The following CLSTN1 variants were observed in gnomAD, a reference collection of about 807,000 sequenced individuals.
CLSTN1 encodes the protein calsyntenin 1.
In CLSTN1, 28 loss-of-function variants were observed where a neutral mutation model predicts 108.3. The observed-to-expected ratio is 0.26, with a 90% CI of 0.19 to 0.35. The LOEUF (loss-of-function observed/expected upper bound fraction) is 0.35, where lower values mean the gene tolerates loss of function less well. Ranked by LOEUF, CLSTN1 falls within the 10% of genes least tolerant of loss-of-function variation. The pLI is 1.00. For missense variants in CLSTN1, 1,157 were observed against 1,302.6 expected, an observed-to-expected ratio of 0.89 and a Z score of 1.72; for synonymous variants, 524 against 534.9, an observed-to-expected ratio of 0.98 and a Z score of 0.28.
rs767543468 is a variant in CLSTN1, at chr1:9,733,359, ACTG to A, written c.2427+39_2427+41del. ...GGGCTGCAAATCAGCGCCCTCACTC[ACTG>A]CTGCTATTGGCCCTGCTCAGTGGGA... is the stretch of plus-strand genomic sequence containing the variant. On this transcript the variant is annotated intron_variant, in intron 16 of 18. Coordinates refer to ENST00000377298, the MANE Select transcript of CLSTN1 (RefSeq NM_001009566.3). 2.5e-6 allele frequency: 4 copies of A among 1,609,814 alleles called. No homozygotes were observed. In the African/African-American group the frequency reaches 4.0e-5, roughly 16 times the overall value.
intron 1 of CLSTN1, among the ~76,000 whole-genome samples, chr1:9,820,204 AAT>A (rs1655139640): frequency 6.6e-6 from 1 of 152,064 alleles, no homozygotes; most frequent in Non-Finnish European, 1.5e-5. Flanking sequence ...CCCACTAATG[AAT>A]TCCCATATCG....
intron 1 of CLSTN1, among the ~76,000 whole-genome samples, chr1:9,815,176 T>C (rs1284396609): frequency 6.6e-6 from 1 of 152,178 alleles, no homozygotes; most frequent in Non-Finnish European, 1.5e-5. Context: ...TAGGCTTGGA[T>C]GCCTGCAAAA....
At chr1:9,781,065 A>G (rs1420939821) in intron 1 of CLSTN1, 2 of 648,986 alleles carry the variant, frequency 3.1e-6, no homozygotes, top group Non-Finnish European at 5.5e-6. Flanking sequence ...AACCTGTACT[A>G]ATCACACATT....
intron 1 of CLSTN1, among the ~76,000 whole-genome samples, chr1:9,799,267 T>C (rs1322045160): frequency 6.6e-6 from 1 of 152,130 alleles, no homozygotes; most frequent in East Asian, 1.9e-4. Flanking sequence ...GAAACCTCCA[T>C]GGGAACCGGT....
At chr1:9,813,561 C>T (rs1264837800) in intron 1 of CLSTN1, among the ~76,000 whole-genome samples, 1 of 151,896 alleles carries the variant, frequency 6.6e-6, no homozygotes, top group Non-Finnish European at 1.5e-5. Context: ...AACAAGGGGC[C>T]CCACAGTTTG....
chr1:9,738,971 C>A (rs112614659), intron 10 of CLSTN1, among the ~76,000 whole-genome samples: 6 of 152,148 alleles, frequency 3.9e-5, no homozygotes, highest in African/African-American at 1.2e-4. Context: ...AAATTTCTAA[C>A]CTTACTCAAG....
At chr1:9,742,557 C>T (rs1570441684) in intron 9 of CLSTN1, among the ~76,000 whole-genome samples, 1 of 152,144 alleles carries the variant, frequency 6.6e-6, no homozygotes. Context: ...GCTACTATAA[C>T]AGAACTGTAG....
At chr1:9,732,837 G>A (rs759039969) in intron 16 of CLSTN1, among the ~76,000 whole-genome samples, 5 of 152,168 alleles carry the variant, frequency 3.3e-5, no homozygotes, top group Non-Finnish European at 5.9e-5. Context: ...TTCACAGGAG[G>A]GCCAGTGACC....
At chr1:9,803,219 C>G (rs1654360709) in intron 1 of CLSTN1, among the ~76,000 whole-genome samples, 1 of 152,114 alleles carries the variant, frequency 6.6e-6, no homozygotes. Context: ...GCAAAGGATT[C>G]TATCATAAAA....
chr1:9,765,834 G>A (rs945654385), intron 2 of CLSTN1, among the ~76,000 whole-genome samples: 6 of 151,948 alleles, frequency 3.9e-5, no homozygotes, highest in African/African-American at 1.5e-4. Context: ...CCAAGATCGC[G>A]CCACTGCACT....
intron 5 of CLSTN1, 48 bp downstream of exon 5, chr1:9,751,425 T>C (rs1162126225): frequency 1.3e-6 from 2 of 1,582,336 alleles, no homozygotes; most frequent in Admixed American, 3.3e-5. Context: ...TCAGTGGGGT[T>C]AGCAGGGACT....
chr1:9,773,597 T>C (rs978045618), intron 1 of CLSTN1, among the ~76,000 whole-genome samples: 3 of 152,124 alleles, frequency 2.0e-5, no homozygotes, highest in African/African-American at 7.2e-5. Context: ...ATGTTGAAAT[T>C]ATCTGAATCC....
At position 9,786,924 on chromosome 1, in the gene CLSTN1, C is replaced by T. The variant is rs1047742613; in HGVS notation, c.92-13530G>A. Among the ~76,000 whole-genome samples, 10 of 151,460 alleles carry T rather than the reference C, an allele frequency of 6.6e-5. No homozygotes were observed. In the South Asian group the frequency reaches 8.7e-4, roughly 13 times the overall value. ...AGGAGGAACCCCTATGTCCTTCTCC[C>T]TGGTGCACATCCCACCCTGAACACT... On this transcript the variant is annotated intron_variant, in intron 1 of 18. Coordinates refer to ENST00000377298, the MANE Select transcript of CLSTN1 (RefSeq NM_001009566.3).
intron 7 of CLSTN1, among the ~76,000 whole-genome samples, chr1:9,748,152 CT>C: frequency 6.6e-6 from 1 of 152,202 alleles, no homozygotes; most frequent in South Asian, 2.1e-4. Flanking sequence ...TTCACAAAAG[CT>C]TTTTGAAACA....
intron 1 of CLSTN1, among the ~76,000 whole-genome samples, chr1:9,804,847 G>A (rs533686200): frequency 6.8e-4 from 103 of 151,568 alleles, no homozygotes; most frequent in African/African-American, 2.3e-3. Context: ...AAGAAAGGCC[G>A]GGCACAGTGG....
chr1:9,756,396 TC>T, intron 3 of CLSTN1, 84 bp downstream of exon 3: 2 of 1,047,252 alleles, frequency 1.9e-6, no homozygotes, highest in South Asian at 1.3e-5. Context: ...TGACAGTTTC[TC>T]CTGTTTAAGG....
Position 9,762,444 on chromosome 1 carries a change from G to A in CLSTN1, c.215-5934C>T, listed in dbSNP as rs556001886. 2.0e-5 allele frequency among the ~76,000 whole-genome samples: 3 copies of A among 149,270 alleles called. No individual in the cohort carries two copies. In the East Asian group the frequency reaches 5.9e-4, roughly 29 times the overall value. ...CCACTGCACTCCAGCCTAGGCGACA[G>A]AGCGAGACTCTGTCTCAAAAAAAAA... On this transcript the variant is annotated intron_variant, in intron 2 of 18. Transcript: ENST00000377298.
At position 9,787,115 on chromosome 1, in the gene CLSTN1, C is replaced by A. The variant is rs1218160077; in HGVS notation, c.92-13721G>T. 2.6e-5 allele frequency among the ~76,000 whole-genome samples: 4 copies of A among 151,174 alleles called. No individual in the cohort carries two copies. In the East Asian group the frequency reaches 8.0e-4, roughly 30 times the overall value. On this transcript the variant is annotated intron_variant, in intron 1 of 18. Transcript: ENST00000377298. ...TTAGAGTCTAGGTATCTCCCGCACA[C>A]GGAGATGGGGCTGTCCCCAACTAGA...
chr1:9,817,599 A>C lies in CLSTN1; in HGVS notation c.91+6044T>G, dbSNP rs371302533. Among the ~76,000 whole-genome samples, 173 of 152,264 alleles carry C rather than the reference A, an allele frequency of 1.1e-3. 1 individual carries two copies. In the South Asian group the frequency reaches 0.035, roughly 31 times the overall value. On this transcript the variant is annotated intron_variant, in intron 1 of 18. Coordinates refer to ENST00000377298, the MANE Select transcript of CLSTN1 (RefSeq NM_001009566.3). ...TGCCTCGGCCTCCCAAAGTGCTGGG[A>C]TTACAGTTGTGAGCCACTGCACCCA...
Sources: gnomAD v4.1 joint callset for allele counts (sites outside exome capture counted in the v4.1 genomes callset) on GRCh38, gnomAD v4.1.1 for gene constraint, MANE v1.5 for transcripts, NCBI Gene and HGNC (gene_info 2026-07-23, HGNC 2026-07-21) for gene names.